CSMD1: variants seen among roughly 807,000 people sequenced by gnomAD.
The protein encoded by CSMD1 is CUB and sushi domain-containing protein 1.
Under a neutral mutation model 417.5 loss-of-function variants are expected in CSMD1, and 213 were observed. That is an observed-to-expected ratio of 0.51 (90% CI 0.46 to 0.57). The LOEUF is 0.57. Ranked by LOEUF, CSMD1 falls within the 20% of genes least tolerant of loss-of-function variation. The probability of loss-of-function intolerance (pLI) is 0.00; values close to 1 mark genes in which losing one functional copy is unlikely to be tolerated. For missense variants in CSMD1, 6,923 were observed against 4,529.7 expected (o/e 1.53, Z -15.17); for synonymous variants, 2,862 against 1,736.8 (o/e 1.65, Z -16.11).
chr8:4,590,263 T>C (rs1799919089), intron 2 of CSMD1, among the ~76,000 whole-genome samples: 3 of 152,070 alleles, frequency 2.0e-5, no homozygotes, highest in Admixed American at 1.3e-4. Flanking sequence ...AGTGGAGAGA[T>C]GGTGACCATG....
chr8:4,319,753 G>A (rs931008646), intron 3 of CSMD1, among the ~76,000 whole-genome samples: 24 of 152,078 alleles, frequency 1.6e-4, no homozygotes, highest in African/African-American at 5.8e-4. Flanking sequence ...GGGGCCAAAG[G>A]CTGCTAGAGT....
At chr8:3,263,212 C>T (rs1396881997) in intron 26 of CSMD1, among the ~76,000 whole-genome samples, 2 of 152,204 alleles carry the variant, frequency 1.3e-5, no homozygotes, top group South Asian at 2.1e-4. Flanking sequence ...GATTCTCCTG[C>T]CTCAGCCTCC....
intron 3 of CSMD1, among the ~76,000 whole-genome samples, chr8:4,335,898 C>G (rs942186290): frequency 6.6e-6 from 1 of 152,102 alleles, no homozygotes; most frequent in African/African-American, 2.4e-5. Context: ...CCAGGGCTTC[C>G]TGCAATATGA....
At chr8:4,524,149 A>G (rs557035864) in intron 2 of CSMD1, among the ~76,000 whole-genome samples, 3 of 152,254 alleles carry the variant, frequency 2.0e-5, no homozygotes, top group East Asian at 3.9e-4. Context: ...AGACCTATGC[A>G]TCATATTTGT....
At chr8:3,531,738 C>G (rs1416657470) in intron 10 of CSMD1, among the ~76,000 whole-genome samples, 2 of 152,242 alleles carry the variant, frequency 1.3e-5, no homozygotes, top group Non-Finnish European at 2.9e-5. Flanking sequence ...CAAGAAATCA[C>G]TTCTTTTCTA....
intron 1 of CSMD1, among the ~76,000 whole-genome samples, chr8:4,952,636 T>C (rs1197871047): frequency 1.3e-5 from 2 of 152,114 alleles, no homozygotes; most frequent in Non-Finnish European, 2.9e-5. Flanking sequence ...GATATGGTGA[T>C]TGTGGTAGAG....
At chr8:3,935,499 G>A (rs551480115) in intron 5 of CSMD1, among the ~76,000 whole-genome samples, 9 of 152,222 alleles carry the variant, frequency 5.9e-5, no homozygotes, top group East Asian at 1.9e-4. Context: ...GCATCTACTC[G>A]TTTTTGGTGT....
intron 10 of CSMD1, among the ~76,000 whole-genome samples, chr8:3,573,910 G>C (rs1800042181): frequency 1.3e-5 from 2 of 151,954 alleles, no homozygotes; most frequent in South Asian, 4.2e-4. Flanking sequence ...TCAATATGAA[G>C]ATGTCTACCT....
At chr8:4,158,972 G>A (rs1256595365) in intron 3 of CSMD1, among the ~76,000 whole-genome samples, 2 of 152,108 alleles carry the variant, frequency 1.3e-5, no homozygotes, top group African/African-American at 2.4e-5. Flanking sequence ...TTGGAGTGCA[G>A]TGGCACAATC....
chr8:4,760,563 A>G (rs971690572), intron 1 of CSMD1, among the ~76,000 whole-genome samples: 2 of 152,220 alleles, frequency 1.3e-5, no homozygotes, highest in East Asian at 1.9e-4. Flanking sequence ...GGCAAGCAGG[A>G]ATATTTTTAT....
At chr8:4,529,657 A>C (rs73660900) in intron 2 of CSMD1, among the ~76,000 whole-genome samples, 1 of 152,144 alleles carries the variant, frequency 6.6e-6, no homozygotes. Flanking sequence ...GTTAAATTCC[A>C]TATTAACAGC....
At position 2,965,833 on chromosome 8, in the gene CSMD1, G is replaced by A. The variant is rs758045126; in HGVS notation, c.9222C>T (p.Ser3074=). The part of the protein sequence containing the change: ...NPGYVMEAVT[S]ATIRCTKDGR... ...CGTCTTTGGTACAGCGAATAGTGGC[G>A]GATGTGACTGCTTCCATGACATAGC... is the stretch of plus-strand genomic sequence containing the variant. Residue 3074 remains serine (S), a synonymous_variant, in exon 59 of 70, where the codon TCC becomes TCT. Transcript: ENST00000635120. 14 of 1,608,756 alleles carry A rather than the reference G, an allele frequency of 8.7e-6. No individual in the cohort carries two copies. The highest frequency in any genetic ancestry group is 1.7e-5 in the Admixed American group (1 of 59,514).
chr8:3,040,727 C>T (rs1312447721), intron 50 of CSMD1, among the ~76,000 whole-genome samples: 5 of 151,950 alleles, frequency 3.3e-5, no homozygotes, highest in Non-Finnish European at 5.9e-5. Context: ...CGCTTGAACC[C>T]GAGAGACAGA....
At chr8:3,395,069 A>G (rs914094760) in intron 17 of CSMD1, among the ~76,000 whole-genome samples, 11 of 152,296 alleles carry the variant, frequency 7.2e-5, no homozygotes, top group African/African-American at 2.6e-4. Flanking sequence ...AGAGGGTAAC[A>G]AGAGTAATAG....
intron 1 of CSMD1, among the ~76,000 whole-genome samples, chr8:4,881,411 A>ATATC (rs10659062): frequency 0.031 from 4,221 of 134,862 alleles, 110 homozygotes; most frequent in African/African-American, 0.064. Flanking sequence ...CCTAGTATAC[A>ATATC]TATCTATCTA....
intron 3 of CSMD1, among the ~76,000 whole-genome samples, chr8:4,354,224 G>A (rs896265702): frequency 1.3e-5 from 2 of 152,098 alleles, no homozygotes; most frequent in African/African-American, 4.8e-5. Context: ...TGAGCCTTCC[G>A]ATATTTCCAC....
intron 3 of CSMD1, among the ~76,000 whole-genome samples, chr8:4,114,618 T>C (rs1368703526): frequency 6.6e-6 from 1 of 152,180 alleles, no homozygotes; most frequent in African/African-American, 2.4e-5. Context: ...TTGGTCAAAA[T>C]AAATTGAAAA....
intron 25 of CSMD1, among the ~76,000 whole-genome samples, chr8:3,294,973 C>G (rs538083051): frequency 6.6e-6 from 1 of 152,046 alleles, no homozygotes; most frequent in African/African-American, 2.4e-5. Flanking sequence ...CTCCACCCAT[C>G]CCATTTATAT....
intron 3 of CSMD1, among the ~76,000 whole-genome samples, chr8:4,348,001 T>G (rs1168963523): frequency 6.6e-6 from 1 of 152,146 alleles, no homozygotes; most frequent in Non-Finnish European, 1.5e-5. Context: ...CATGCGTCAC[T>G]TATTTTACTA....
Sources: gnomAD v4.1 joint callset for allele counts (sites outside exome capture counted in the v4.1 genomes callset) on GRCh38, gnomAD v4.1.1 for gene constraint, MANE v1.5 for transcripts, NCBI Gene and HGNC (gene_info 2026-07-23, HGNC 2026-07-21) for gene names.